ITM2B: variants seen among roughly 807,000 people sequenced by gnomAD.
The protein encoded by ITM2B is integral membrane protein 2B, also known as ABri/ADan amyloid peptide.
Under a neutral mutation model 27.8 loss-of-function variants are expected in ITM2B, and 11 were observed. That is an observed-to-expected ratio of 0.40 (90% confidence interval 0.25 to 0.66). The LOEUF (loss-of-function observed/expected upper bound fraction) is 0.66, where lower values mean the gene tolerates loss of function less well. Ranked by LOEUF, ITM2B falls within the 30% of genes least tolerant of loss-of-function variation. The pLI is 0.43. For synonymous variants in ITM2B, 114 were observed against 114.3 expected (o/e 1.00, Z 0.02); for missense variants, 296 against 328.9 (o/e 0.90, Z 0.77).
intron 5 of ITM2B, among the ~76,000 whole-genome samples, chr13:48,259,469 T>C (rs1951809544): frequency 6.6e-6 from 1 of 152,220 alleles, no homozygotes; most frequent in Non-Finnish European, 1.5e-5. Flanking sequence ...ACCTGAAATA[T>C]AAGAATTACA....
chr13:48,246,171 A>C (rs1204202291), intron 1 of ITM2B, among the ~76,000 whole-genome samples: 2 of 152,184 alleles, frequency 1.3e-5, no homozygotes, highest in South Asian at 4.1e-4. Context: ...ATAATTCCCA[A>C]TTTTGACTGT....
chr13:48,259,316 A>G (rs9332296), intron 5 of ITM2B, among the ~76,000 whole-genome samples: 3,155 of 152,270 alleles, frequency 0.021, 101 homozygotes, highest in African/African-American at 0.068. Flanking sequence ...AGGGATCTGG[A>G]TTCTAAGCAG....
intron 1 of ITM2B, among the ~76,000 whole-genome samples, chr13:48,246,562 T>C (rs1951725645): frequency 6.6e-6 from 1 of 152,220 alleles, no homozygotes; most frequent in South Asian, 2.1e-4. Flanking sequence ...ATCATGTCCT[T>C]TTGATGCTTT....
At chr13:48,242,485 T>C (rs186140918) in intron 1 of ITM2B, among the ~76,000 whole-genome samples, 63 of 152,264 alleles carry the variant, frequency 4.1e-4, no homozygotes, top group African/African-American at 1.4e-3. Context: ...ACAAATGTCC[T>C]GAGAGTCATA....
At position 48,254,134 on chromosome 13, in the gene ITM2B, C is replaced by A. The variant is rs9332279; in HGVS notation, c.246+198C>A. On this transcript the variant is annotated intron_variant, in intron 2 of 5. Coordinates refer to ENST00000647800, the MANE Select transcript of ITM2B (RefSeq NM_021999.5). The stretch of plus-strand genomic sequence containing the variant: ...TTGCTGAGCCCATCACACACAGTCA[C>A]TAAAAGCAGAGTAACTTGAAATGTT... Among the ~76,000 whole-genome samples the A allele has an allele frequency of 6.6e-3, 1,012 of 152,262 alleles. 15 individuals carry two copies. Among genetic ancestry groups the A allele is most frequent in the African/African-American group, 0.023 (963 of 41,550 alleles).
Position 48,268,456 on chromosome 13 carries a change from C to T in ITM2B, c.*7232C>T, listed in dbSNP as rs1297176037. The stretch of plus-strand genomic sequence containing the variant: ...TAGCTAAGACTCTACAGGCGTATGC[C>T]ACCATACCTAGTTTGTTTTTGTTAT... On this transcript the variant is annotated 3_prime_UTR_variant, in exon 6 of 6. Coordinates refer to ENST00000647800, the MANE Select transcript of ITM2B (RefSeq NM_021999.5). The T allele has an allele frequency of 1.3e-5, 2 of 151,964 alleles. No individual in the cohort carries two copies. Among genetic ancestry groups the T allele is most frequent in the African/African-American group, 2.4e-5 (1 of 41,358 alleles). The allele number at this position is 151,964 out of a possible 1,614,324, so 9.4% of individuals were successfully genotyped here.
At chr13:48,255,564 AG>A (rs1951782326) in intron 2 of ITM2B, among the ~76,000 whole-genome samples, 1 of 152,166 alleles carries the variant, frequency 6.6e-6, no homozygotes, top group Admixed American at 6.5e-5. Flanking sequence ...CTCCCCACAA[AG>A]TATTAGGATT....
Position 48,239,495 on chromosome 13 carries a change from G to T in ITM2B, c.117+6018G>T, listed in dbSNP as rs75667071. ...ACTAAAACAAAAATTAGCCAGGCGT[G>T]GTGGCATGCGCCTGTGATTCCAGCT... On this transcript the variant is annotated intron_variant, in intron 1 of 5. Transcript: ENST00000647800. 2.6e-3 allele frequency among the ~76,000 whole-genome samples: 395 copies of T among 152,318 alleles called. 4 individuals carry two copies. The highest frequency in any genetic ancestry group is 8.7e-3 in the African/African-American group (360 of 41,568).
chr13:48,243,484 TAGG>T, intron 1 of ITM2B, among the ~76,000 whole-genome samples: 1 of 152,310 alleles, frequency 6.6e-6, no homozygotes, highest in African/African-American at 2.4e-5. Context: ...TTCACACATG[TAGG>T]GCTTATTAGT....
Position 48,233,466 on chromosome 13 carries a change from G to A in ITM2B, c.106G>A (p.Val36Met), listed in dbSNP as rs766663901. The A allele has an allele frequency of 1.3e-6, 2 of 1,532,216 alleles. No homozygotes were observed. Among genetic ancestry groups the A allele is most frequent in the Admixed American group, 4.1e-5 (2 of 49,104 alleles). The allele number at this position is 1,532,216 out of a possible 1,614,324, so 94.9% of individuals were successfully genotyped here. A position where few individuals can be genotyped will look rare whatever the true frequency, so the allele number is the denominator to read the frequency against. The change falls in exon 1 of 6, where the codon GTG (valine) becomes ATG (methionine). Residue 36 changes from valine to methionine, a missense_variant. By Grantham distance (21) the Val-to-Met change is conservative. Coordinates refer to ENST00000647800, the MANE Select transcript of ITM2B (RefSeq NM_021999.5). ...ALIIPPDAVA[V>M]DCKDPDDVVP... is the part of the protein sequence containing the mutation. ...CATCATCCCCCCCGACGCCGTCGCG[G>A]TGGACTGCAAGGTCCGAGCCCGGGG...
At chr13:48,260,750 G>A (rs1158845525) in intron 5 of ITM2B, among the ~76,000 whole-genome samples, 1 of 151,908 alleles carries the variant, frequency 6.6e-6, no homozygotes, top group Non-Finnish European at 1.5e-5. Context: ...AATTCTCTTG[G>A]TTCATAATTT....
At chr13:48,246,006 C>T (rs1951722669) in intron 1 of ITM2B, among the ~76,000 whole-genome samples, 1 of 152,146 alleles carries the variant, frequency 6.6e-6, no homozygotes, top group South Asian at 2.1e-4. Context: ...TCTCAATCTC[C>T]TGACCTCATG....
chr13:48,244,988 C>T (rs887303771), intron 1 of ITM2B, among the ~76,000 whole-genome samples: 2 of 152,174 alleles, frequency 1.3e-5, no homozygotes, highest in Non-Finnish European at 2.9e-5. Context: ...GTGCCTTTTA[C>T]TCACCAATAT....
intron 1 of ITM2B, among the ~76,000 whole-genome samples, chr13:48,243,249 A>G (rs1191118059): frequency 6.6e-6 from 1 of 152,182 alleles, no homozygotes; most frequent in African/African-American, 2.4e-5. Flanking sequence ...TACTCCAACT[A>G]ACTTAAAAAA....
At chr13:48,258,371 A>G (rs1267578146) in intron 4 of ITM2B, 135 bp downstream of exon 4, 3 of 664,736 alleles carry the variant, frequency 4.5e-6, no homozygotes, top group African/African-American at 1.8e-5. Flanking sequence ...ACTAATACTC[A>G]TGGTTTTTGT....
At chr13:48,235,013 C>CAT (rs58490404) in intron 1 of ITM2B, among the ~76,000 whole-genome samples, 24,875 of 149,888 alleles carry the variant, frequency 0.17, 6,213 homozygotes, top group African/African-American at 0.55. Context: ...AATGCTATCA[C>CAT]ATATATATAT....
intron 1 of ITM2B, among the ~76,000 whole-genome samples, chr13:48,241,167 C>T (rs61973346): frequency 6.6e-6 from 1 of 152,214 alleles, no homozygotes; most frequent in Non-Finnish European, 1.5e-5. Context: ...CCTGCCCAAC[C>T]ATACATGGCG....
chr13:48,268,509 A>G lies in ITM2B; in HGVS notation c.*7285A>G, dbSNP rs1453099211. ...TTTTTAGTACAGATGGGGTTTTGCC[A>G]TGTTGTCCAGGCTGGTCTCGAACTC... On this transcript the variant is annotated 3_prime_UTR_variant, in exon 6 of 6. Coordinates refer to ENST00000647800, the MANE Select transcript of ITM2B (RefSeq NM_021999.5). 2.0e-5 allele frequency: 3 copies of G among 152,048 alleles called. No individual in the cohort carries two copies. Among genetic ancestry groups the G allele is most frequent in the African/African-American group, 7.3e-5 (3 of 41,336 alleles). 9.4% of individuals were successfully genotyped at this position (152,048 alleles called of 1,614,324 possible). A position where few individuals can be genotyped will look rare whatever the true frequency, so the allele number is the denominator to read the frequency against.
At chr13:48,258,742 T>C in intron 4 of ITM2B, 55 bp from the exon 5 acceptor site, 1 of 1,528,082 alleles carries the variant, frequency 6.5e-7, no homozygotes, top group Non-Finnish European at 9.1e-7. Flanking sequence ...GTTTCTCTAG[T>C]CTACTCAGTG....
Sources: gnomAD v4.1 joint callset for allele counts (sites outside exome capture counted in the v4.1 genomes callset) on GRCh38, gnomAD v4.1.1 for gene constraint, MANE v1.5 for transcripts, NCBI Gene and HGNC (gene_info 2026-07-23, HGNC 2026-07-21) for gene names.